XRRA1: variants seen among roughly 807,000 people sequenced by gnomAD.
The protein encoded by XRRA1 is X-ray radiation resistance-associated protein 1.
In XRRA1, 69 loss-of-function variants were observed where a neutral mutation model predicts 80.2. The ratio of observed to expected loss-of-function variants is 0.86; its 90% confidence interval spans 0.71 to 1.05. The LOEUF is 1.05. Among genes scored for constraint, XRRA1 ranks in the 50% least tolerant of loss-of-function variants. The pLI, the probability that XRRA1 is intolerant of heterozygous loss-of-function variation, is 0.00. For synonymous variants in XRRA1, 348 were observed against 389.9 expected, an observed-to-expected ratio of 0.89 and a Z score of 1.27; for missense variants, 967 against 976.4, an observed-to-expected ratio of 0.99 and a Z score of 0.13.
chr11:74,895,981 G>C (rs1040600242), intron 10 of XRRA1, among the ~76,000 whole-genome samples: 2 of 152,202 alleles, frequency 1.3e-5, no homozygotes, highest in Non-Finnish European at 2.9e-5. Flanking sequence ...TTCATCCCCT[G>C]TTGACTAAAG....
chr11:74,900,616 T>G (rs2053417300), intron 10 of XRRA1, among the ~76,000 whole-genome samples: 1 of 151,798 alleles, frequency 6.6e-6, no homozygotes, highest in African/African-American at 2.4e-5. Context: ...TATGGCCAAG[T>G]GGGATTTATC....
At position 74,919,690 on chromosome 11, in the gene XRRA1, G is replaced by A. The variant is rs540597205; in HGVS notation, c.656+1524C>T. 23 of 526,558 alleles carry A rather than the reference G, an allele frequency of 4.4e-5. No individual in the cohort carries two copies. In the East Asian group the frequency reaches 1.1e-3, roughly 26 times the overall value. 32.6% of individuals were successfully genotyped at this position (526,558 alleles called of 1,614,324 possible). On this transcript the variant is annotated intron_variant, in intron 8 of 18. Coordinates refer to ENST00000684022, the MANE Select transcript of XRRA1 (RefSeq NM_001378157.1). ...ATCAACATTCACAAGTGCATCCATG[G>A]AGTGGGCTTCAAGAAGCATGCCCCT...
intron 10 of XRRA1, among the ~76,000 whole-genome samples, chr11:74,893,825 A>G (rs1443431645): frequency 6.6e-6 from 1 of 152,246 alleles, no homozygotes; most frequent in Non-Finnish European, 1.5e-5. Context: ...GCCATTGTGG[A>G]AAGCAGTTTT....
At chr11:74,871,690 C>T (rs2044818776) in intron 10 of XRRA1, among the ~76,000 whole-genome samples, 1 of 152,130 alleles carries the variant, frequency 6.6e-6, no homozygotes, top group African/African-American at 2.4e-5. Flanking sequence ...TCCAAAATTC[C>T]CCACTCCCCC....
chr11:74,899,915 C>A (rs953720438), intron 10 of XRRA1, among the ~76,000 whole-genome samples: 1 of 152,032 alleles, frequency 6.6e-6, no homozygotes, highest in Non-Finnish European at 1.5e-5. Flanking sequence ...GCCAGCATTA[C>A]CCTGATACCA....
chr11:74,902,010 T>C (rs1357919242), intron 10 of XRRA1, among the ~76,000 whole-genome samples: 1 of 152,180 alleles, frequency 6.6e-6, no homozygotes, highest in African/African-American at 2.4e-5. Context: ...ATGTGCAAAC[T>C]ACCCATCTGA....
At chr11:74,894,081 TA>T (rs2051570404) in intron 10 of XRRA1, among the ~76,000 whole-genome samples, 1 of 152,126 alleles carries the variant, frequency 6.6e-6, no homozygotes, top group Non-Finnish European at 1.5e-5. Flanking sequence ...TATGTAGCCA[TA>T]AAAAAAGAAT....
At chr11:74,852,435 CTCTT>C (rs2040108054) in intron 12 of XRRA1, among the ~76,000 whole-genome samples, 1 of 152,182 alleles carries the variant, frequency 6.6e-6, no homozygotes, top group African/African-American at 2.4e-5. Context: ...TACGAACAAA[CTCTT>C]TATCTCATAA....
At chr11:74,893,518 C>T (rs1246280937) in intron 10 of XRRA1, among the ~76,000 whole-genome samples, 1 of 151,166 alleles carries the variant, frequency 6.6e-6, no homozygotes, top group East Asian at 1.9e-4. Flanking sequence ...CTAACCTGCA[C>T]GTTGTGCACA....
At chr11:74,849,850 T>A (rs1402321013) in intron 14 of XRRA1, among the ~76,000 whole-genome samples, 1 of 152,230 alleles carries the variant, frequency 6.6e-6, no homozygotes, top group South Asian at 2.1e-4. Context: ...TTCTCCATTT[T>A]CCTCCTGTCT....
At chr11:74,940,711 A>G in intron 3 of XRRA1, 74 bp downstream of exon 3, 1 of 1,239,054 alleles carries the variant, frequency 8.1e-7, no homozygotes, top group Non-Finnish European at 1.2e-6. Context: ...TTGGAGAAGA[A>G]CAAGTAGATG....
At chr11:74,901,377 A>G (rs1320654945) in intron 10 of XRRA1, among the ~76,000 whole-genome samples, 1 of 152,212 alleles carries the variant, frequency 6.6e-6, no homozygotes, top group East Asian at 1.9e-4. Flanking sequence ...AAAGCATTCT[A>G]GAGATTCAAT....
chr11:74,907,021 C>A, intron 9 of XRRA1, 124 bp downstream of exon 9: 1 of 1,339,094 alleles, frequency 7.5e-7, no homozygotes, highest in East Asian at 2.3e-5. Flanking sequence ...CATGGCCACA[C>A]AGTAGAGATA....
At chr11:74,865,614 C>T (rs962228045) in intron 10 of XRRA1, among the ~76,000 whole-genome samples, 2 of 152,198 alleles carry the variant, frequency 1.3e-5, no homozygotes, top group Admixed American at 1.3e-4. Flanking sequence ...ACTACTTGTG[C>T]AGGGACCTGC....
At chr11:74,916,190 G>A (rs1213656328) in intron 8 of XRRA1, among the ~76,000 whole-genome samples, 6 of 152,072 alleles carry the variant, frequency 3.9e-5, no homozygotes, top group Admixed American at 6.6e-5. Flanking sequence ...CCTCATGTAT[G>A]TTTATATTCA....
chr11:74,887,274 T>G (rs2049265127), intron 10 of XRRA1, among the ~76,000 whole-genome samples: 1 of 151,846 alleles, frequency 6.6e-6, no homozygotes, highest in South Asian at 2.1e-4. Flanking sequence ...ATCAACAGAG[T>G]AAACAGATAA....
chr11:74,918,081 C>G (rs896137282), intron 8 of XRRA1, among the ~76,000 whole-genome samples: 2 of 152,020 alleles, frequency 1.3e-5, no homozygotes, highest in Admixed American at 1.3e-4. Context: ...CCAGTAAAAG[C>G]AGGACCTTAA....
intron 3 of XRRA1, among the ~76,000 whole-genome samples, chr11:74,937,303 C>T (rs531918803): frequency 1.6e-4 from 24 of 152,194 alleles, no homozygotes; most frequent in African/African-American, 5.3e-4. Context: ...GAAAAGGCTG[C>T]GACAAAAGGA....
At chr11:74,893,314 C>G (rs1207801871) in intron 10 of XRRA1, among the ~76,000 whole-genome samples, 2 of 150,378 alleles carry the variant, frequency 1.3e-5, no homozygotes, top group Non-Finnish European at 2.9e-5. Flanking sequence ...GGACAGAAAA[C>G]CAAACACTGC....
Sources: gnomAD v4.1 joint callset for allele counts (sites outside exome capture counted in the v4.1 genomes callset) on GRCh38, gnomAD v4.1.1 for gene constraint, MANE v1.5 for transcripts, NCBI Gene and HGNC (gene_info 2026-07-23, HGNC 2026-07-21) for gene names.